The following CDK14 variants were observed in gnomAD, a reference collection of about 807,000 sequenced individuals.
CDK14 encodes the protein cyclin-dependent kinase 14.
In CDK14, 34 loss-of-function variants were observed where a neutral mutation model predicts 60.7. That is an observed-to-expected ratio of 0.56 (90% CI 0.43 to 0.75). The LOEUF is 0.75. Ranked by LOEUF, CDK14 falls within the 30% of genes least tolerant of loss-of-function variation. The pLI is 0.00. For synonymous variants in CDK14, 197 were observed against 203.7 expected (o/e 0.97, Z 0.28); for missense variants, 482 against 564.1 (o/e 0.85, Z 1.47).
rs1054564822 is a variant in CDK14 at position 90,741,600 on chromosome 7, C to T, written c.370-6081C>T. Among the ~76,000 whole-genome samples, 8 of 152,134 alleles carry T rather than the reference C, an allele frequency of 5.3e-5. No individual in the cohort carries two copies. In the East Asian group the frequency reaches 1.5e-3, roughly 29 times the overall value. On this transcript the variant is annotated intron_variant, in intron 3 of 14. Transcript: ENST00000380050. ...ATCTCTGTGGCATTGATTTTAAGCC[C>T]TTAACATTTGGACATATTTAGAGAC...
At chr7:91,060,007 C>T (rs528493860) in intron 11 of CDK14, among the ~76,000 whole-genome samples, 2 of 152,158 alleles carry the variant, frequency 1.3e-5, no homozygotes, top group Admixed American at 1.3e-4. Context: ...AAGTCGGGTG[C>T]TAAAGTCTCC....
chr7:91,145,837 T>C (rs1482371751), intron 14 of CDK14, among the ~76,000 whole-genome samples: 5 of 152,232 alleles, frequency 3.3e-5, no homozygotes, highest in Non-Finnish European at 5.9e-5. Context: ...CTTGAAGAGC[T>C]ACCTGTTGGG....
At chr7:90,929,192 C>A (rs35293643) in intron 8 of CDK14, among the ~76,000 whole-genome samples, 50,005 of 152,084 alleles carry the variant, frequency 0.33, 8,639 homozygotes, top group East Asian at 0.49. Context: ...GGCGATGCCC[C>A]ACCCTGCTCC....
chr7:90,995,900 A>G (rs983781130), intron 10 of CDK14, among the ~76,000 whole-genome samples: 1 of 152,212 alleles, frequency 6.6e-6, no homozygotes. Flanking sequence ...TCCCTGGTTG[A>G]TGAGTTCTCT....
chr7:90,776,424 A>T (rs62469756), intron 4 of CDK14, among the ~76,000 whole-genome samples: 13 of 152,220 alleles, frequency 8.5e-5, no homozygotes, highest in Non-Finnish European at 1.5e-4. Context: ...AGGTTAATGT[A>T]TTAAAATGGA....
chr7:91,126,081 A>G (rs750255516), intron 14 of CDK14, among the ~76,000 whole-genome samples: 1 of 152,172 alleles, frequency 6.6e-6, no homozygotes, highest in East Asian at 1.9e-4. Flanking sequence ...TGGTCAACAA[A>G]TCTACTCCAT....
chr7:91,191,505 T>C (rs924417770), intron 14 of CDK14, among the ~76,000 whole-genome samples: 1 of 151,762 alleles, frequency 6.6e-6, no homozygotes, highest in African/African-American at 2.4e-5. Flanking sequence ...ATATATATAT[T>C]CACACATATA....
chr7:91,116,985 C>T (rs1247807299), intron 13 of CDK14, among the ~76,000 whole-genome samples: 1 of 150,782 alleles, frequency 6.6e-6, no homozygotes, highest in Non-Finnish European at 1.5e-5. Flanking sequence ...ATTTAAATAT[C>T]ATCTATACAC....
intron 14 of CDK14, among the ~76,000 whole-genome samples, chr7:91,203,973 G>A (rs1052583347): frequency 5.3e-5 from 8 of 152,154 alleles, no homozygotes; most frequent in African/African-American, 1.9e-4. Flanking sequence ...GGACAAAGGA[G>A]TTTGTTCCCA....
At chr7:91,162,043 T>A (rs1397014127) in intron 14 of CDK14, among the ~76,000 whole-genome samples, 1 of 152,186 alleles carries the variant, frequency 6.6e-6, no homozygotes, top group African/African-American at 2.4e-5. Context: ...ACTTTTCTCT[T>A]GATATCTTAA....
At chr7:90,625,793 G>A (rs926615552) in intron 2 of CDK14, among the ~76,000 whole-genome samples, 2 of 152,228 alleles carry the variant, frequency 1.3e-5, no homozygotes, top group African/African-American at 4.8e-5. Flanking sequence ...CCAGGAATGA[G>A]AGGAATCTGC....
chr7:90,944,063 T>C (rs1337455998), intron 8 of CDK14, among the ~76,000 whole-genome samples: 1 of 152,130 alleles, frequency 6.6e-6, no homozygotes, highest in East Asian at 1.9e-4. Flanking sequence ...GCCCATCATG[T>C]TTTGCCCTTT....
At chr7:90,689,571 C>T (rs1801511381) in intron 2 of CDK14, among the ~76,000 whole-genome samples, 2 of 152,186 alleles carry the variant, frequency 1.3e-5, no homozygotes, top group South Asian at 2.1e-4. Flanking sequence ...GGCATTTTTA[C>T]AATTAGATCT....
At chr7:91,106,965 C>T (rs1799321591) in intron 12 of CDK14, among the ~76,000 whole-genome samples, 1 of 152,138 alleles carries the variant, frequency 6.6e-6, no homozygotes, top group South Asian at 2.1e-4. Flanking sequence ...TACCATTCTA[C>T]CAAGCAGCTC....
At chr7:91,116,686 C>T (rs752967692) in intron 13 of CDK14, among the ~76,000 whole-genome samples, 13 of 152,138 alleles carry the variant, frequency 8.5e-5, no homozygotes, top group African/African-American at 1.9e-4. Flanking sequence ...GTGTCCACAA[C>T]GCCTGGCTTT....
At chr7:90,615,880 C>T (rs1184993153) in intron 2 of CDK14, among the ~76,000 whole-genome samples, 2 of 152,110 alleles carry the variant, frequency 1.3e-5, no homozygotes, top group African/African-American at 2.4e-5. Context: ...AAAATATTCA[C>T]GCACCTTGAA....
At chr7:91,017,225 G>C (rs1479936199) in intron 10 of CDK14, among the ~76,000 whole-genome samples, 1 of 152,080 alleles carries the variant, frequency 6.6e-6, no homozygotes, top group African/African-American at 2.4e-5. Context: ...AGCTCTTTAA[G>C]ATATATAAAG....
At chr7:90,730,599 C>T (rs530188203) in intron 3 of CDK14, among the ~76,000 whole-genome samples, 1 of 152,190 alleles carries the variant, frequency 6.6e-6, no homozygotes, top group East Asian at 1.9e-4. Context: ...CATTTCTCTA[C>T]TGACCAGTGA....
chr7:91,157,605 G>A (rs1801020310), intron 14 of CDK14, among the ~76,000 whole-genome samples: 1 of 152,186 alleles, frequency 6.6e-6, no homozygotes, highest in South Asian at 2.1e-4. Context: ...TCTCTGACAG[G>A]TATTAACTTT....
Sources: allele counts gnomAD v4.1 joint callset (sites outside exome capture counted in the v4.1 genomes callset), GRCh38; gene constraint gnomAD v4.1.1; transcripts MANE v1.5; gene names NCBI Gene and HGNC (gene_info 2026-07-23, HGNC 2026-07-21).